The following SYNM variants were observed in gnomAD, a reference collection of about 807,000 sequenced individuals.
SYNM encodes the protein desmuslin.
A neutral mutation model predicts 104.0 loss-of-function variants in SYNM; 95 were observed. The ratio of observed to expected loss-of-function variants is 0.91; its 90% confidence interval spans 0.77 to 1.08. SYNM has a LOEUF of 1.08. SYNM is among the 50% of genes least tolerant of loss of function. The pLI is 0.00. For missense variants in SYNM, 2,150 were observed against 2,052.2 expected, an observed-to-expected ratio of 1.05 and a Z score of -0.92; for synonymous variants, 918 against 869.0, an observed-to-expected ratio of 1.06 and a Z score of -0.99.
rs2067356791 is a variant in SYNM at position 99,117,105 on chromosome 15, C to T, written c.935+3390C>T. ...ATAACCCAAACACCTTCCTCTAGGC[C>T]CCACCTTCAACACGGAGGTCACATT... is the stretch of plus-strand genomic sequence containing the variant. On this transcript the variant is annotated intron_variant, in intron 2 of 3. Coordinates refer to ENST00000336292, the MANE Select transcript of SYNM (RefSeq NM_145728.3). Among the ~76,000 whole-genome samples, 2 of 109,154 alleles carry T rather than the reference C, an allele frequency of 1.8e-5. 1 individual carries two copies. Among genetic ancestry groups the T allele is most frequent in the Non-Finnish European group, 4.3e-5 (2 of 47,032 alleles). 71.6% of individuals were successfully genotyped at this position (109,154 alleles called of 152,430 possible).
Position 99,113,681 on chromosome 15 carries a change from A to G in SYNM, c.901A>G (p.Lys301Glu). The G allele has an allele frequency of 1.2e-6, 2 of 1,613,584 alleles. No homozygotes were observed. Among genetic ancestry groups the G allele is most frequent in the Non-Finnish European group, 1.7e-6 (2 of 1,179,718 alleles). The stretch of plus-strand genomic sequence containing the variant: ...GGACTATCAGGACCTCCTGCAGGTG[A>G]AGACCGGCCTCAGTCTGGAGGTGGC... The part of the protein sequence containing the change: ...LRDYQDLLQV[K>E]TGLSLEVATY... The change falls in exon 2 of 4, where the codon AAG becomes GAG. Residue 301 changes from lysine to glutamate, a missense_variant. Lys to Glu is a moderately conservative substitution (Grantham distance 56). Coordinates refer to ENST00000336292, the MANE Select transcript of SYNM (RefSeq NM_145728.3).
intron 2 of SYNM, among the ~76,000 whole-genome samples, chr15:99,122,685 A>T (rs2067412067): frequency 6.6e-6 from 1 of 152,148 alleles, no homozygotes; most frequent in Non-Finnish European, 1.5e-5. Flanking sequence ...ACGATACAAA[A>T]ACAACTATTT....
At chr15:99,112,877 T>C (rs563588823) in intron 1 of SYNM, among the ~76,000 whole-genome samples, 1 of 152,014 alleles carries the variant, frequency 6.6e-6, no homozygotes. Flanking sequence ...TGCCCAGCTA[T>C]TTTTTGTATT....
intron 2 of SYNM, among the ~76,000 whole-genome samples, chr15:99,122,648 C>T (rs964189950): frequency 1.4e-4 from 22 of 152,136 alleles, no homozygotes; most frequent in African/African-American, 4.8e-4. Context: ...CCAGCCTGGG[C>T]AACATGGTGA....
chr15:99,137,721 G>T, downstream of SYNM: 1 of 401,738 alleles, frequency 2.5e-6, no homozygotes, highest in Admixed American at 3.6e-5. Flanking sequence ...CTGTTGAAGA[G>T]AAGTTTTTCA....
downstream of SYNM, among the ~76,000 whole-genome samples, chr15:99,138,296 T>C (rs571307347): frequency 6.6e-6 from 1 of 151,832 alleles, no homozygotes; most frequent in African/African-American, 2.4e-5. Flanking sequence ...TGAGATGTTT[T>C]CCTCCCATCT....
At position 99,121,390 on chromosome 15, in the gene SYNM, G is replaced by A. The variant is rs537630031; in HGVS notation, c.936-5332G>A. Among the ~76,000 whole-genome samples the A allele has an allele frequency of 2.4e-4, 37 of 152,202 alleles. No homozygotes were observed. The South Asian group carries it at 4.6e-3, about 19-fold the overall frequency. On this transcript the variant is annotated intron_variant, in intron 2 of 3. Coordinates refer to ENST00000336292, the MANE Select transcript of SYNM (RefSeq NM_145728.3). ...GAGGCTTCCAGAGTTTCCTGCAGTCGCTAGCGCCCAGGCGTGCAGACCTGA... is the reference window on the plus strand; with the variant it reads ...GAGGCTTCCAGAGTTTCCTGCAGTCACTAGCGCCCAGGCGTGCAGACCTGA...
rs1317881009 is a variant in SYNM at position 99,132,010 on chromosome 15, C to G, written c.3650C>G (p.Ser1217Ter). 6.2e-7 allele frequency: 1 copy of G among 1,613,938 alleles called. No individual in the cohort carries two copies. The highest frequency in any genetic ancestry group is 1.3e-5 in the African/African-American group (1 of 75,046). The change falls in exon 4 of 4, where the codon TCA becomes TGA. Residue 1217 changes from serine to a stop codon, truncating the protein, a stop_gained. Transcript: ENST00000336292. LOFTEE classifies it high-confidence loss of function. ...PAESSADMDG[S>*]GRHSTFGCRQ... The stretch of plus-strand genomic sequence containing the variant: ...GAGTCTTCTGCAGATATGGACGGAT[C>G]AGGGAGGCACAGCACATTTGGCTGC...
intron 2 of SYNM, among the ~76,000 whole-genome samples, chr15:99,118,229 T>C (rs2067368319): frequency 6.6e-6 from 1 of 152,226 alleles, no homozygotes; most frequent in Admixed American, 6.5e-5. Context: ...AAATCACCAG[T>C]GCATGTCTGG....
downstream of SYNM, among the ~76,000 whole-genome samples, chr15:99,135,857 G>A (rs2067568470): frequency 7.9e-5 from 12 of 152,328 alleles, no homozygotes; most frequent in Admixed American, 7.2e-4. Flanking sequence ...TGGTAAAAAT[G>A]TCATCATCAC....
chr15:99,135,022 G>C lies in SYNM; in HGVS notation c.*1964G>C, dbSNP rs1044169119. The C allele has an allele frequency of 6.6e-6, 1 of 152,384 alleles. No homozygotes were observed. 9.4% of individuals were successfully genotyped at this position (152,384 alleles called of 1,614,324 possible). On this transcript the variant is annotated 3_prime_UTR_variant, in exon 4 of 4. Coordinates refer to ENST00000336292, the MANE Select transcript of SYNM (RefSeq NM_145728.3). ...TGGTCAAGGTGACAGCCTCCTGTCT[G>C]ATGACAGGACAGACTGGTGGTGAGG...
Position 99,105,282 on chromosome 15 carries a change from G to T in SYNM, c.83G>T (p.Arg28Leu). Residue 28 changes from arginine to leucine, a missense_variant, in exon 1 of 4, where the codon CGG becomes CTG. Transcript: ENST00000336292. The stretch of plus-strand genomic sequence containing the variant: ...GCCCGGCTCTATGACTACGTGTGTC[G>T]GGTGCGGGAGCTGGAGCGCGAAAAC... ...LNARLYDYVC[R>L]VRELERENLL... 6.4e-7 allele frequency: 1 copy of T among 1,556,302 alleles called. No homozygotes were observed.
At chr15:99,120,556 G>A (rs567867792) in intron 2 of SYNM, among the ~76,000 whole-genome samples, 1 of 152,258 alleles carries the variant, frequency 6.6e-6, no homozygotes, top group East Asian at 1.9e-4. Flanking sequence ...GCCTTCTCTG[G>A]AGACAATTGA....
At chr15:99,119,025 G>T (rs891967597) in intron 2 of SYNM, among the ~76,000 whole-genome samples, 1 of 152,252 alleles carries the variant, frequency 6.6e-6, no homozygotes, top group Non-Finnish European at 1.5e-5. Flanking sequence ...AGCGGCAGTT[G>T]TGTGGGGCTC....
At chr15:99,115,111 G>A (rs1555483775) in intron 2 of SYNM, among the ~76,000 whole-genome samples, 1 of 152,158 alleles carries the variant, frequency 6.6e-6, no homozygotes, top group African/African-American at 2.4e-5. Flanking sequence ...AGCCAGCCAG[G>A]TCTGGTGCCA....
intron 2 of SYNM, among the ~76,000 whole-genome samples, chr15:99,115,386 C>A (rs1426591101): frequency 6.6e-6 from 1 of 150,556 alleles, no homozygotes; most frequent in Non-Finnish European, 1.5e-5. Flanking sequence ...TGTAGGCTGC[C>A]TGTGTAATCT....
At chr15:99,118,238 G>A (rs1162538013) in intron 2 of SYNM, among the ~76,000 whole-genome samples, 1 of 152,232 alleles carries the variant, frequency 6.6e-6, no homozygotes, top group Non-Finnish European at 1.5e-5. Flanking sequence ...GTGCATGTCT[G>A]GAAGACAAAC....
chr15:99,106,399 C>G (rs984410664), intron 1 of SYNM, among the ~76,000 whole-genome samples: 1 of 152,218 alleles, frequency 6.6e-6, no homozygotes, highest in Non-Finnish European at 1.5e-5. Flanking sequence ...CTCTCACTTG[C>G]AGAAGTGACG....
At chr15:99,139,772 G>GT (rs781830466), downstream of SYNM, 939 of 1,295,170 alleles carry the variant, frequency 7.3e-4, 1 homozygote, top group Non-Finnish European at 8.6e-4. Flanking sequence ...AAATAGTTTT[G>GT]TTTTTTTTGT....
Sources: allele counts gnomAD v4.1 joint callset (sites outside exome capture counted in the v4.1 genomes callset), GRCh38; gene constraint gnomAD v4.1.1; transcripts MANE v1.5; gene names NCBI Gene and HGNC (gene_info 2026-07-23, HGNC 2026-07-21).